Variants in DNER observed in about 807,000 individuals in gnomAD.
DNER encodes delta and Notch-like epidermal growth factor-related receptor.
In DNER, 33 loss-of-function variants were observed where a neutral mutation model predicts 78.2. The observed-to-expected ratio is 0.42, with a 90% confidence interval of 0.32 to 0.56. The LOEUF is 0.56. DNER is among the 20% of genes least tolerant of loss of function. The probability of loss-of-function intolerance (pLI) is 0.11; values close to 1 mark genes in which losing one functional copy is unlikely to be tolerated. For missense variants in DNER, 918 were observed against 975.3 expected (o/e 0.94, Z 0.78); for synonymous variants, 417 against 384.8 (o/e 1.08, Z -0.98).
chr2:229,674,595 G>A (rs964527737), intron 1 of DNER, among the ~76,000 whole-genome samples: 7 of 152,116 alleles, frequency 4.6e-5, no homozygotes, highest in African/African-American at 1.4e-4. Context: ...TCTTATTAAT[G>A]GCACAAATCT....
chr2:229,572,658 T>C (rs965733054), intron 4 of DNER, among the ~76,000 whole-genome samples: 3 of 152,044 alleles, frequency 2.0e-5, no homozygotes, highest in Non-Finnish European at 4.4e-5. Flanking sequence ...CAGACCTTGA[T>C]AGTGGGAGAG....
chr2:229,567,472 G>A (rs1697133279), intron 4 of DNER, among the ~76,000 whole-genome samples: 1 of 152,204 alleles, frequency 6.6e-6, no homozygotes, highest in South Asian at 2.1e-4. Context: ...GCATACAAGA[G>A]AGACAAAGTG....
chr2:229,572,361 C>T (rs562928788), intron 4 of DNER, among the ~76,000 whole-genome samples: 1 of 152,330 alleles, frequency 6.6e-6, no homozygotes, highest in African/African-American at 2.4e-5. Context: ...CGATTAATCT[C>T]TTGATGTGCC....
intron 4 of DNER, among the ~76,000 whole-genome samples, chr2:229,557,131 A>G (rs185036620): frequency 1.6e-4 from 25 of 152,372 alleles, no homozygotes; most frequent in Admixed American, 1.2e-3. Flanking sequence ...GAAGAATCTG[A>G]AATGAAATAG....
intron 7 of DNER, among the ~76,000 whole-genome samples, chr2:229,459,019 T>A (rs560635729): frequency 6.6e-6 from 1 of 152,122 alleles, no homozygotes; most frequent in South Asian, 2.1e-4. Flanking sequence ...ATTTATAATA[T>A]TATCAAAAAG....
At chr2:229,699,329 T>A (rs1699708500) in intron 1 of DNER, among the ~76,000 whole-genome samples, 1 of 152,224 alleles carries the variant, frequency 6.6e-6, no homozygotes, top group Non-Finnish European at 1.5e-5. Context: ...CAACCCTTCT[T>A]AAAATAGGCA....
At chr2:229,425,596 A>G (rs570653849) in intron 8 of DNER, among the ~76,000 whole-genome samples, 1 of 152,292 alleles carries the variant, frequency 6.6e-6, no homozygotes, top group South Asian at 2.1e-4. Context: ...ACACTGTCGC[A>G]AGGCAGGATT....
intron 7 of DNER, among the ~76,000 whole-genome samples, chr2:229,455,480 G>C (rs1019578474): frequency 6.6e-6 from 1 of 151,886 alleles, no homozygotes; most frequent in Non-Finnish European, 1.5e-5. Context: ...TGGCCTGTCA[G>C]TCAGTCTGTG....
intron 11 of DNER, among the ~76,000 whole-genome samples, chr2:229,381,912 C>G (rs751335070): frequency 4.6e-5 from 7 of 152,222 alleles, no homozygotes; most frequent in Non-Finnish European, 1.0e-4. Context: ...TCTCCCAGCA[C>G]AGCACTTGAG....
chr2:229,671,880 T>C (rs1333559607), intron 1 of DNER, among the ~76,000 whole-genome samples: 2 of 152,200 alleles, frequency 1.3e-5, no homozygotes, highest in Admixed American at 6.5e-5. Flanking sequence ...GGGAAGGCAC[T>C]GAGTGTAGTG....
At chr2:229,360,766 G>T (rs1424277073) in intron 12 of DNER, among the ~76,000 whole-genome samples, 1 of 152,184 alleles carries the variant, frequency 6.6e-6, no homozygotes, top group Non-Finnish European at 1.5e-5. Context: ...GGCCACCTAT[G>T]CATGTTCAAG....
intron 4 of DNER, among the ~76,000 whole-genome samples, chr2:229,564,930 T>C (rs996426343): frequency 6.6e-6 from 1 of 152,136 alleles, no homozygotes; most frequent in African/African-American, 2.4e-5. Context: ...GGCTCACAGA[T>C]GGTCATCTTC....
chr2:229,459,181 T>C (rs1694638914), intron 7 of DNER, among the ~76,000 whole-genome samples: 1 of 152,120 alleles, frequency 6.6e-6, no homozygotes, highest in African/African-American at 2.4e-5. Context: ...ATATTTAAGT[T>C]CTATTCAAAT....
At chr2:229,608,581 G>A (rs976556571) in intron 1 of DNER, among the ~76,000 whole-genome samples, 4 of 152,174 alleles carry the variant, frequency 2.6e-5, no homozygotes, top group African/African-American at 9.7e-5. Context: ...ACACCATAGT[G>A]AGTGGGAAAA....
At chr2:229,366,649 T>C (rs1057062014) in intron 12 of DNER, among the ~76,000 whole-genome samples, 2 of 152,158 alleles carry the variant, frequency 1.3e-5, no homozygotes, top group Non-Finnish European at 2.9e-5. Flanking sequence ...TGAACAAATA[T>C]ATTCAATGTA....
chr2:229,593,808 G>T (rs1480086648), intron 1 of DNER, among the ~76,000 whole-genome samples: 1 of 152,240 alleles, frequency 6.6e-6, no homozygotes, highest in Non-Finnish European at 1.5e-5. Context: ...TCAAAGCCAT[G>T]CTTCTGAAAT....
At chr2:229,362,609 T>C (rs1694433938) in intron 12 of DNER, among the ~76,000 whole-genome samples, 1 of 152,254 alleles carries the variant, frequency 6.6e-6, no homozygotes, top group South Asian at 2.1e-4. Flanking sequence ...CTTTTGCCTA[T>C]AATGGGGGAC....
At chr2:229,593,346 T>G (rs1187996959) in intron 1 of DNER, among the ~76,000 whole-genome samples, 1 of 152,154 alleles carries the variant, frequency 6.6e-6, no homozygotes, top group Non-Finnish European at 1.5e-5. Context: ...CCTTTGCACC[T>G]GCTGGACCCC....
intron 7 of DNER, among the ~76,000 whole-genome samples, chr2:229,470,170 G>A (rs1297445766): frequency 1.3e-5 from 2 of 150,650 alleles, no homozygotes; most frequent in African/African-American, 2.5e-5. Context: ...TGCAGATCTT[G>A]ACACACACCT....
Sources: gnomAD v4.1 joint callset for allele counts (sites outside exome capture counted in the v4.1 genomes callset) on GRCh38, gnomAD v4.1.1 for gene constraint, MANE v1.5 for transcripts, NCBI Gene and HGNC (gene_info 2026-07-23, HGNC 2026-07-21) for gene names.